Variants in RASAL2 observed in about 807,000 individuals in gnomAD.
The protein encoded by RASAL2 is RAS protein activator like 2.
In RASAL2, 58 loss-of-function variants were observed where a neutral mutation model predicts 128.9. That is an observed-to-expected ratio of 0.45 (90% confidence interval 0.36 to 0.56). The LOEUF (loss-of-function observed/expected upper bound fraction) is 0.56, where lower values mean the gene tolerates loss of function less well. RASAL2 is among the 20% of genes least tolerant of loss of function. RASAL2 has a pLI of 0.00. For synonymous variants in RASAL2, 561 were observed against 580.8 expected (o/e 0.97, Z 0.49); for missense variants, 1,360 against 1,601.6 (o/e 0.85, Z 2.57).
intron 3 of RASAL2, among the ~76,000 whole-genome samples, chr1:178,332,175 C>T (rs562812180): frequency 6.6e-6 from 1 of 152,136 alleles, no homozygotes; most frequent in African/African-American, 2.4e-5. Context: ...TAGAATTTTT[C>T]TAATTCAAGC....
At chr1:178,173,658 C>G (rs1171035445) in intron 1 of RASAL2, among the ~76,000 whole-genome samples, 2 of 151,952 alleles carry the variant, frequency 1.3e-5, no homozygotes, top group African/African-American at 2.4e-5. Context: ...TAGTGGCACA[C>G]CCTGAGATTG....
intron 1 of RASAL2, among the ~76,000 whole-genome samples, chr1:178,135,167 A>G (rs1660270348): frequency 6.6e-6 from 1 of 152,164 alleles, no homozygotes. Context: ...TCTTAATCTT[A>G]AAACGTCTAT....
At position 178,268,813 on chromosome 1, in the gene RASAL2, C is replaced by T. The variant is rs944195339; in HGVS notation, c.203-14751C>T. Among the ~76,000 whole-genome samples, 3 of 152,142 alleles carry T rather than the reference C, an allele frequency of 2.0e-5. No individual in the cohort carries two copies. In the South Asian group the frequency reaches 6.2e-4, roughly 31 times the overall value. On this transcript the variant is annotated intron_variant, in intron 1 of 17. Coordinates refer to ENST00000367649, the MANE Select transcript of RASAL2 (RefSeq NM_170692.4). The stretch of plus-strand genomic sequence containing the variant: ...AGGCAGAAAAGCATGGTATGACAGC[C>T]TTCAGCCTGCCAGTCTCTTTAACCA...
At chr1:178,396,421 G>T (rs1245161476) in intron 4 of RASAL2, among the ~76,000 whole-genome samples, 3 of 152,082 alleles carry the variant, frequency 2.0e-5, no homozygotes, top group Non-Finnish European at 2.9e-5. Context: ...CACTTTGAAG[G>T]CCTAATGCCC....
rs937010077 is a variant in RASAL2, at chr1:178,127,685, A to T, written c.202+32991A>T. ...CTGGAGATACATTCCTCTAGTGGTGATCTTTAAAAGATCACCTTTAATATC... is the reference window on the plus strand; with the variant it reads ...CTGGAGATACATTCCTCTAGTGGTGTTCTTTAAAAGATCACCTTTAATATC... On this transcript the variant is annotated intron_variant, in intron 1 of 17. Transcript: ENST00000367649. Among the ~76,000 whole-genome samples, 3 of 152,162 alleles carry T rather than the reference A, an allele frequency of 2.0e-5. No individual in the cohort carries two copies. The South Asian group carries it at 6.2e-4, about 32-fold the overall frequency.
chr1:178,376,531 C>A (rs575403599), intron 3 of RASAL2, among the ~76,000 whole-genome samples: 1 of 152,152 alleles, frequency 6.6e-6, no homozygotes, highest in Admixed American at 6.5e-5. Flanking sequence ...TAGGATTAAC[C>A]TTTTGAAGGG....
chr1:178,125,619 A>G (rs1659867221), intron 1 of RASAL2: 1 of 152,190 alleles, frequency 6.6e-6, no homozygotes, highest in South Asian at 2.1e-4. Context: ...TCGATGTGAT[A>G]TTTTAAGTAG....
intron 1 of RASAL2, among the ~76,000 whole-genome samples, chr1:178,124,851 T>TA (rs1245683259): frequency 2.0e-5 from 3 of 152,212 alleles, no homozygotes; most frequent in Non-Finnish European, 1.5e-5. Context: ...ACACATTTTT[T>TA]ATCAGCTTTA....
Position 178,456,781 on chromosome 1 carries a change from A to T in RASAL2, c.2272A>T (p.Thr758Ser), listed in dbSNP as rs780495459. The change falls in exon 13 of 18, where the codon ACT (threonine) becomes TCT (serine). Residue 758 changes from threonine (T) to serine (S), a missense_variant. Physicochemically the swap from Thr to Ser is moderately conservative, Grantham distance 58. Around this residue, in one of 3 missense-constraint regions of RASAL2, gnomAD observed 741 missense variants for 868.6 expected, o/e 0.85. Coordinates refer to ENST00000367649, the MANE Select transcript of RASAL2 (RefSeq NM_170692.4). ...TCTTGCTGATATTACCAAGTCATTGACTAATCCTACGCCAATACAACAGCA... is the reference window on the plus strand; with the variant it reads ...TCTTGCTGATATTACCAAGTCATTGTCTAATCCTACGCCAATACAACAGCA... ...RVLADITKSL[T>S]NPTPIQQQLR... The T allele has an allele frequency of 1.4e-5, 22 of 1,614,048 alleles. No individual in the cohort carries two copies. Among genetic ancestry groups the T allele is most frequent in the Non-Finnish European group, 8.5e-7 (1 of 1,180,030 alleles).
At chr1:178,402,663 A>G (rs186579947) in intron 4 of RASAL2, among the ~76,000 whole-genome samples, 220 of 152,300 alleles carry the variant, frequency 1.4e-3, no homozygotes, top group African/African-American at 5.1e-3. Flanking sequence ...ACATTGTTTC[A>G]CATTATACCT....
At chr1:178,218,650 C>T (rs764005583) in intron 1 of RASAL2, among the ~76,000 whole-genome samples, 5 of 152,200 alleles carry the variant, frequency 3.3e-5, no homozygotes, top group Admixed American at 6.5e-5. Context: ...TGCGCCATTA[C>T]ACTCCAGCCT....
intron 1 of RASAL2, among the ~76,000 whole-genome samples, chr1:178,184,000 G>A (rs78434339): frequency 0.014 from 2,193 of 152,232 alleles, 57 homozygotes; most frequent in African/African-American, 0.049. Context: ...AGTCTAATAG[G>A]TATGTAGTGT....
intron 4 of RASAL2, among the ~76,000 whole-genome samples, chr1:178,397,615 A>G (rs1571999497): frequency 6.7e-6 from 1 of 150,172 alleles, no homozygotes; most frequent in Non-Finnish European, 1.5e-5. Context: ...TTTTTTACTT[A>G]CTTTTTTTTT....
chr1:178,457,889 T>C lies in RASAL2; in HGVS notation c.2597T>C (p.Val866Ala). 2 of 1,614,202 alleles carry C rather than the reference T, an allele frequency of 1.2e-6. No homozygotes were observed. Among genetic ancestry groups the C allele is most frequent in the South Asian group, 1.1e-5 (1 of 91,080 alleles). ...THAAQVEHASVMLDVPIRLTG... is the reference protein window; with the variant it reads ...THAAQVEHASAMLDVPIRLTG... ...GCTGCTCAAGTGGAGCATGCATCTGTCATGCTTGATGTGCCTATACGCTTG... is the reference window on the plus strand; with the variant it reads ...GCTGCTCAAGTGGAGCATGCATCTGCCATGCTTGATGTGCCTATACGCTTG... The change falls in exon 14 of 18, where the codon GTC becomes GCC. Residue 866 changes from valine (V) to alanine (A), a missense_variant. Physicochemically the swap from Val to Ala is moderately conservative, Grantham distance 64 (BLOSUM62 0). Coordinates refer to ENST00000367649, the MANE Select transcript of RASAL2 (RefSeq NM_170692.4).
At chr1:178,184,967 C>T (rs1374672204) in intron 1 of RASAL2, among the ~76,000 whole-genome samples, 1 of 151,954 alleles carries the variant, frequency 6.6e-6, no homozygotes, top group East Asian at 1.9e-4. Context: ...TTATTTAGAT[C>T]TTCTTTGGTT....
At chr1:178,136,619 T>G (rs1660332593) in intron 1 of RASAL2, among the ~76,000 whole-genome samples, 1 of 150,846 alleles carries the variant, frequency 6.6e-6, no homozygotes, top group Non-Finnish European at 1.5e-5. Context: ...TACCGGGGCG[T>G]GGTGGCGGGT....
intron 5 of RASAL2, among the ~76,000 whole-genome samples, chr1:178,426,408 C>T (rs1285666407): frequency 6.6e-6 from 1 of 152,086 alleles, no homozygotes; most frequent in South Asian, 2.1e-4. Context: ...GCCAGGACGT[C>T]AAGGCTGCAG....
At chr1:178,135,775 A>G (rs1055330158) in intron 1 of RASAL2, among the ~76,000 whole-genome samples, 1 of 152,210 alleles carries the variant, frequency 6.6e-6, no homozygotes, top group African/African-American at 2.4e-5. Context: ...GTGGAAGGCA[A>G]GGAGGAGCAA....
intron 1 of RASAL2, among the ~76,000 whole-genome samples, chr1:178,162,419 A>T (rs1219030768): frequency 1.1e-4 from 13 of 118,884 alleles, no homozygotes; most frequent in Non-Finnish European, 1.8e-4. Flanking sequence ...TATTATATAT[A>T]ATATTATATA....
Sources: gnomAD v4.1 joint callset for allele counts (sites outside exome capture counted in the v4.1 genomes callset) on GRCh38, gnomAD v4.1.1 for gene constraint, gnomAD v4.1.1 regional missense constraint, MANE v1.5 for transcripts, NCBI Gene and HGNC (gene_info 2026-07-23, HGNC 2026-07-21) for gene names.